The following ESRRB variants were observed in gnomAD, a reference collection of about 807,000 sequenced individuals.
The protein encoded by ESRRB is steroid hormone receptor ERR2.
Under a neutral mutation model 46.0 loss-of-function variants are expected in ESRRB, and 16 were observed. The observed-to-expected ratio is 0.35, with a 90% confidence interval of 0.24 to 0.53. ESRRB has a LOEUF of 0.53. Ranked by LOEUF, ESRRB falls within the 20% of genes least tolerant of loss-of-function variation. The pLI, the probability that ESRRB is intolerant of heterozygous loss-of-function variation, is 0.93. For synonymous variants in ESRRB, 246 were observed against 259.6 expected (o/e 0.95, Z 0.50); for missense variants, 488 against 607.4 (o/e 0.80, Z 2.07).
chr14:76,351,525 T>C (rs568617636), intron 1 of ESRRB, among the ~76,000 whole-genome samples: 1 of 152,364 alleles, frequency 6.6e-6, no homozygotes, highest in South Asian at 2.1e-4. Context: ...TGCTCCAGTA[T>C]GGCCTCATCT....
chr14:76,320,841 G>A (rs1164019112), intron 1 of ESRRB, among the ~76,000 whole-genome samples: 1 of 152,146 alleles, frequency 6.6e-6, no homozygotes, highest in Non-Finnish European at 1.5e-5. Context: ...ACACCTTGGA[G>A]GAATGACATT....
chr14:76,425,999 T>G (rs1887182725), intron 1 of ESRRB, among the ~76,000 whole-genome samples: 1 of 152,210 alleles, frequency 6.6e-6, no homozygotes, highest in African/African-American at 2.4e-5. Context: ...ATTGATACTA[T>G]TTGGCTGTTT....
intron 1 of ESRRB, among the ~76,000 whole-genome samples, chr14:76,326,019 A>C (rs1306524087): frequency 2.6e-5 from 4 of 152,132 alleles, no homozygotes; most frequent in African/African-American, 9.7e-5. Context: ...CTCCCTAGTG[A>C]TATAAAGGCT....
upstream of ESRRB, among the ~76,000 whole-genome samples, chr14:76,375,798 C>T (rs572771300): frequency 1.9e-4 from 29 of 152,298 alleles, no homozygotes; most frequent in African/African-American, 7.0e-4. Flanking sequence ...TTTGCTAGAC[C>T]TGCCAGTTAA....
chr14:76,438,277 G>T (rs374053856), intron 1 of ESRRB, among the ~76,000 whole-genome samples: 1 of 152,104 alleles, frequency 6.6e-6, no homozygotes, highest in Non-Finnish European at 1.5e-5. Context: ...CTCTGGTTCC[G>T]ATCTTAGTGA....
At chr14:76,402,253 GGC>G in intron 1 of ESRRB, among the ~76,000 whole-genome samples, 1 of 152,324 alleles carries the variant, frequency 6.6e-6, no homozygotes, top group East Asian at 1.9e-4. Context: ...GAGACTCCAT[GGC>G]CCGGTCAAGT....
intron 2 of ESRRB, among the ~76,000 whole-genome samples, chr14:76,444,221 CG>C (rs566442736): frequency 3.2e-4 from 48 of 152,090 alleles, no homozygotes; most frequent in Non-Finnish European, 6.5e-4. Context: ...TTAGTAGAGA[CG>C]GGGTTTCGTC....
At chr14:76,409,069 C>T (rs1276272067) in intron 1 of ESRRB, among the ~76,000 whole-genome samples, 6 of 152,184 alleles carry the variant, frequency 3.9e-5, no homozygotes, top group African/African-American at 1.4e-4. Flanking sequence ...CCAACCTGAG[C>T]CTCCACTTCT....
chr14:76,472,439 C>G (rs1889410027), intron 3 of ESRRB, among the ~76,000 whole-genome samples: 1 of 152,194 alleles, frequency 6.6e-6, no homozygotes, highest in South Asian at 2.1e-4. Context: ...TGGCAAAAGC[C>G]CTGGAATATT....
intron 1 of ESRRB, among the ~76,000 whole-genome samples, chr14:76,335,128 C>T (rs1040813234): frequency 6.6e-6 from 1 of 152,198 alleles, no homozygotes; most frequent in African/African-American, 2.4e-5. Flanking sequence ...CCTGGCCCAC[C>T]CTGTTTGGCA....
intron 2 of ESRRB, among the ~76,000 whole-genome samples, chr14:76,449,697 C>T (rs373924338): frequency 5.6e-4 from 85 of 151,994 alleles, no homozygotes; most frequent in African/African-American, 1.8e-3. Context: ...GACTTAATAG[C>T]ACCTCTGATG....
intron 1 of ESRRB, among the ~76,000 whole-genome samples, chr14:76,332,790 A>AATATAT (rs1884046595): frequency 3.3e-4 from 3 of 9,194 alleles, no homozygotes; most frequent in Non-Finnish European, 3.7e-4. Context: ...TATTATATAT[A>AATATAT]AATATATAAT....
intron 1 of ESRRB, among the ~76,000 whole-genome samples, chr14:76,358,394 A>AGAAAGAAAGAAAGAAAGAAAGAAG (rs1884421462): frequency 7.9e-6 from 1 of 127,274 alleles, no homozygotes; most frequent in Non-Finnish European, 1.7e-5. Context: ...AAAGAAAGAA[A>AGAAAGAAAGAAAGAAAGAAAGAAG]GAAAGAAAGA....
rs566510349 is a variant in ESRRB, at chr14:76,405,162, G to A, written c.50+28711G>A. On this transcript the variant is annotated intron_variant, in intron 1 of 6. Transcript: ENST00000644823. Reference sequence around the variant, plus strand: ...GTCACTGAGGCTGGAGTGCAGTGGCGTGATCAGAGCTCACTGCAGACTTGA... The same window carrying A: ...GTCACTGAGGCTGGAGTGCAGTGGCATGATCAGAGCTCACTGCAGACTTGA... 6.6e-5 allele frequency among the ~76,000 whole-genome samples: 10 copies of A among 152,156 alleles called. No homozygotes were observed. The South Asian group carries it at 1.2e-3, about 19-fold the overall frequency.
intron 1 of ESRRB, among the ~76,000 whole-genome samples, chr14:76,331,994 C>T (rs1468034999): frequency 6.6e-6 from 1 of 151,902 alleles, no homozygotes; most frequent in Non-Finnish European, 1.5e-5. Flanking sequence ...TTAAGAAAAC[C>T]ATGGAGCCAG....
intron 6 of ESRRB, among the ~76,000 whole-genome samples, chr14:76,496,356 G>A (rs1890424526): frequency 6.6e-6 from 1 of 152,244 alleles, no homozygotes; most frequent in African/African-American, 2.4e-5. Flanking sequence ...AGCTGGGGAG[G>A]TAGACTCTGA....
At chr14:76,470,680 A>T (rs1447687149) in intron 3 of ESRRB, among the ~76,000 whole-genome samples, 1 of 151,924 alleles carries the variant, frequency 6.6e-6, no homozygotes, top group Non-Finnish European at 1.5e-5. Context: ...TTTTGTGGGG[A>T]TTTTGTTATT....
intron 1 of ESRRB, among the ~76,000 whole-genome samples, chr14:76,425,027 G>T (rs1280419439): frequency 6.6e-6 from 1 of 152,148 alleles, no homozygotes; most frequent in Non-Finnish European, 1.5e-5. Context: ...CCCATTATAG[G>T]TGTGAGCCAC....
intron 2 of ESRRB, among the ~76,000 whole-genome samples, chr14:76,446,373 T>G (rs1321352304): frequency 2.0e-5 from 2 of 99,678 alleles, no homozygotes; most frequent in African/African-American, 5.5e-5. Flanking sequence ...TTGTTCGTTT[T>G]TTTTTTTTGT....
Sources: allele counts gnomAD v4.1 joint callset (sites outside exome capture counted in the v4.1 genomes callset), GRCh38; gene constraint gnomAD v4.1.1; transcripts MANE v1.5; gene names NCBI Gene and HGNC (gene_info 2026-07-23, HGNC 2026-07-21).